TRPC6: variants seen among roughly 807,000 people sequenced by gnomAD.
TRPC6 encodes the protein transient receptor potential cation channel subfamily C member 6.
Under a neutral mutation model 90.7 loss-of-function variants are expected in TRPC6, and 55 were observed. That is an observed-to-expected ratio of 0.61 (90% CI 0.49 to 0.76). The LOEUF (loss-of-function observed/expected upper bound fraction) is 0.76, where lower values mean the gene tolerates loss of function less well. TRPC6 is among the 30% of genes least tolerant of loss of function. TRPC6 has a pLI of 0.00. For synonymous variants in TRPC6, 393 were observed against 393.0 expected, an observed-to-expected ratio of 1.00 and a Z score of 0.00; for missense variants, 989 against 1,122.7, an observed-to-expected ratio of 0.88 and a Z score of 1.70.
At chr11:101,473,398 T>A in intron 7 of TRPC6, 111 bp downstream of exon 7, 2 of 1,267,732 alleles carry the variant, frequency 1.6e-6, no homozygotes, top group Non-Finnish European at 2.2e-6. Context: ...AAACAGGAAC[T>A]AGAGATGAAG....
intron 2 of TRPC6, among the ~76,000 whole-genome samples, chr11:101,493,047 T>C (rs909802434): frequency 6.6e-6 from 1 of 152,206 alleles, no homozygotes; most frequent in African/African-American, 2.4e-5. Flanking sequence ...CATGCTTCTA[T>C]AAGGCATCAT....
chr11:101,458,898 A>T (rs538947373), intron 10 of TRPC6, among the ~76,000 whole-genome samples: 1 of 152,200 alleles, frequency 6.6e-6, no homozygotes, highest in Non-Finnish European at 1.5e-5. Flanking sequence ...TTAGATATAG[A>T]TGTTATGAAA....
At chr11:101,565,824 A>G (rs1861815831) in intron 1 of TRPC6, among the ~76,000 whole-genome samples, 1 of 152,150 alleles carries the variant, frequency 6.6e-6, no homozygotes, top group African/African-American at 2.4e-5. Context: ...ATAAATACAC[A>G]GTAACTGTTT....
chr11:101,477,706 G>A (rs1480400833), intron 5 of TRPC6, among the ~76,000 whole-genome samples: 1 of 152,164 alleles, frequency 6.6e-6, no homozygotes, highest in Admixed American at 6.5e-5. Context: ...AAATGGGAAT[G>A]ATATTGGTTC....
rs189149644 is a variant in TRPC6 at position 101,451,567 on chromosome 11, T to C, written c.*1388A>G. 4 of 152,342 alleles carry C rather than the reference T, an allele frequency of 2.6e-5. No homozygotes were observed. Among genetic ancestry groups the C allele is most frequent in the Admixed American group, 2.6e-4 (4 of 15,302 alleles). 9.4% of individuals were successfully genotyped at this position (152,342 alleles called of 1,614,324 possible). A position where few individuals can be genotyped will look rare whatever the true frequency, so the allele number is the denominator to read the frequency against. ...TGATTCAAATACTGTCACAAAATAT[T>C]TGAAAATCGATCTTTATGTATCACC... On this transcript the variant is annotated 3_prime_UTR_variant, in exon 13 of 13. Transcript: ENST00000344327.
At position 101,476,362 on chromosome 11, in the gene TRPC6, A is replaced by G. The variant is rs12366144; in HGVS notation, c.1683T>C (p.Asn561=). 0.25 allele frequency: 397,840 copies of G among 1,613,812 alleles called. 53,748 individuals are homozygous for G. Among genetic ancestry groups the G allele is most frequent in the African/African-American group, 0.54 (40,672 of 74,906 alleles). ...CTTTCGTCAAGTCCTTCAAAGTATC[A>G]TTTGCGTCAATGATGCTCTGGGCTT... is the stretch of plus-strand genomic sequence containing the variant. ...ASKAQSIIDA[N]DTLKDLTKVT... Residue 561 remains asparagine (N), a synonymous_variant, in exon 6 of 13, where the codon AAT becomes AAC. Coordinates refer to ENST00000344327, the MANE Select transcript of TRPC6 (RefSeq NM_004621.6).
chr11:101,491,086 T>A (rs1859793541), intron 3 of TRPC6, among the ~76,000 whole-genome samples: 1 of 152,174 alleles, frequency 6.6e-6, no homozygotes, highest in Non-Finnish European at 1.5e-5. Context: ...TTAGTGTAGG[T>A]AGAGTGCCTC....
chr11:101,473,272 G>C (rs572417362), intron 7 of TRPC6, among the ~76,000 whole-genome samples: 1 of 151,970 alleles, frequency 6.6e-6, no homozygotes, highest in East Asian at 1.9e-4. Flanking sequence ...AGATAATAAA[G>C]GGAGGCATGC....
rs79548044 is a variant in TRPC6 at position 101,539,267 on chromosome 11, T to C, written c.171-34469A>G. Among the ~76,000 whole-genome samples, 409 of 152,342 alleles carry C rather than the reference T, an allele frequency of 2.7e-3. 4 individuals are homozygous for C. The highest frequency in any genetic ancestry group is 9.2e-3 in the African/African-American group (384 of 41,580). ...CCTTAGAACTAGACTGCTCCAACTCTGAGGCTAGACTGCTCTCATGTTTAG... is the reference window on the plus strand; with the variant it reads ...CCTTAGAACTAGACTGCTCCAACTCCGAGGCTAGACTGCTCTCATGTTTAG... On this transcript the variant is annotated intron_variant, in intron 1 of 12. Transcript: ENST00000344327.
intron 1 of TRPC6, among the ~76,000 whole-genome samples, chr11:101,577,678 T>C (rs1161789749): frequency 6.6e-6 from 1 of 152,092 alleles, no homozygotes; most frequent in Admixed American, 6.6e-5. Context: ...AGATAATGCT[T>C]GGGGCCAGGC....
intron 1 of TRPC6, among the ~76,000 whole-genome samples, chr11:101,544,085 T>G (rs1486974232): frequency 2.0e-5 from 3 of 152,164 alleles, no homozygotes; most frequent in Non-Finnish European, 4.4e-5. Flanking sequence ...GAACAGACAC[T>G]TCTCAAAAGA....
At chr11:101,544,205 A>T (rs1170058801) in intron 1 of TRPC6, among the ~76,000 whole-genome samples, 1 of 152,146 alleles carries the variant, frequency 6.6e-6, no homozygotes, top group African/African-American at 2.4e-5. Flanking sequence ...AGTTAGGATG[A>T]TGATCATGAA....
chr11:101,541,127 T>C (rs1032494717), intron 1 of TRPC6, among the ~76,000 whole-genome samples: 2 of 152,212 alleles, frequency 1.3e-5, no homozygotes, highest in African/African-American at 2.4e-5. Context: ...AGAAATTTGG[T>C]TGGAACTTTT....
intron 1 of TRPC6, 59 bp downstream of exon 1, chr11:101,583,275 G>T (rs1387990695): frequency 2.6e-6 from 4 of 1,527,366 alleles, no homozygotes; most frequent in Middle Eastern, 1.7e-4. Flanking sequence ...ACTCCTGCGA[G>T]CGCACAACCT....
At chr11:101,549,323 C>T (rs779443272) in intron 1 of TRPC6, among the ~76,000 whole-genome samples, 6 of 151,726 alleles carry the variant, frequency 4.0e-5, no homozygotes, top group Non-Finnish European at 7.4e-5. Flanking sequence ...TGAGGATGGT[C>T]AGCTATATGA....
intron 10 of TRPC6, among the ~76,000 whole-genome samples, chr11:101,463,581 C>G (rs1282674760): frequency 6.6e-6 from 1 of 152,166 alleles, no homozygotes; most frequent in Non-Finnish European, 1.5e-5. Context: ...TCTAGATTTT[C>G]TAGCTTATTT....
intron 1 of TRPC6, among the ~76,000 whole-genome samples, chr11:101,512,255 A>G (rs1202263204): frequency 6.6e-6 from 1 of 152,168 alleles, no homozygotes; most frequent in Non-Finnish European, 1.5e-5. Flanking sequence ...ACCCTGCCTT[A>G]GTATTCTATG....
intron 1 of TRPC6, among the ~76,000 whole-genome samples, chr11:101,548,363 C>T (rs7394770): frequency 0.38 from 47,685 of 123,888 alleles, 8,514 homozygotes; most frequent in East Asian, 0.62. Context: ...ATAATTATAT[C>T]TTATAATTAT....
intron 10 of TRPC6, among the ~76,000 whole-genome samples, chr11:101,456,569 C>A (rs1405993162): frequency 1.3e-5 from 2 of 152,262 alleles, no homozygotes; most frequent in Admixed American, 6.5e-5. Context: ...CTAGATAATT[C>A]TTTGGTGTAG....
Sources: gnomAD v4.1 joint callset for allele counts (sites outside exome capture counted in the v4.1 genomes callset) on GRCh38, gnomAD v4.1.1 for gene constraint, MANE v1.5 for transcripts, NCBI Gene and HGNC (gene_info 2026-07-23, HGNC 2026-07-21) for gene names.